The following GALNT18 variants were observed in gnomAD, a reference collection of about 807,000 sequenced individuals.
GALNT18 encodes the protein GalNAc-transferase 18.
Under a neutral mutation model 69.5 loss-of-function variants are expected in GALNT18, and 44 were observed. The ratio of observed to expected loss-of-function variants is 0.63; its 90% CI spans 0.50 to 0.81. The LOEUF is 0.81. Among genes scored for constraint, GALNT18 ranks in the 40% least tolerant of loss-of-function variants. The probability of loss-of-function intolerance (pLI) is 0.00; values close to 1 mark genes in which losing one functional copy is unlikely to be tolerated. For missense variants in GALNT18, 715 were observed against 810.0 expected, an observed-to-expected ratio of 0.88 and a Z score of 1.42; for synonymous variants, 364 against 318.2, an observed-to-expected ratio of 1.14 and a Z score of -1.53.
chr11:11,408,269 G>A (rs1010651748), intron 3 of GALNT18, among the ~76,000 whole-genome samples: 6 of 150,010 alleles, frequency 4.0e-5, no homozygotes, highest in Admixed American at 2.7e-4. Context: ...TTGGGAGGCT[G>A]AGGCCGGAAA....
rs894162367 is a variant in GALNT18 at position 11,465,996 on chromosome 11, C to A, written c.236-17060G>T. On this transcript the variant is annotated intron_variant, in intron 1 of 10. Coordinates refer to ENST00000227756, the MANE Select transcript of GALNT18 (RefSeq NM_198516.3). This position sits in a 1 kb window ranked among gnomAD's most constrained non-coding sequence, Gnocchi z 5.7. ...AACCACAGGAGGCATCCATCCAGACCAGTGCTTCTCAGCTCTTCTCAATCA... is the reference window on the plus strand; with the variant it reads ...AACCACAGGAGGCATCCATCCAGACAAGTGCTTCTCAGCTCTTCTCAATCA... Among the ~76,000 whole-genome samples the A allele has an allele frequency of 1.3e-5, 2 of 152,172 alleles. No homozygotes were observed. Among genetic ancestry groups the A allele is most frequent in the African/African-American group, 2.4e-5 (1 of 41,446 alleles).
At chr11:11,335,094 C>A (rs559712263) in intron 7 of GALNT18, among the ~76,000 whole-genome samples, 3 of 152,210 alleles carry the variant, frequency 2.0e-5, no homozygotes, top group African/African-American at 7.2e-5. Context: ...TTATAGGGAG[C>A]CAGTAGAAGA....
At position 11,605,383 on chromosome 11, in the gene GALNT18, G is replaced by A. The variant is rs1048425802; in HGVS notation, c.235+15976C>T. Among the ~76,000 whole-genome samples, 1 of 152,176 alleles carries A rather than the reference G, an allele frequency of 6.6e-6. No homozygotes were observed. The highest frequency in any genetic ancestry group is 2.4e-5 in the African/African-American group (1 of 41,438). On this transcript the variant is annotated intron_variant, in intron 1 of 10. Transcript: ENST00000227756. The surrounding 1 kb of genome is among the most constrained non-coding windows in gnomAD (Gnocchi z 4.7). ...CTCTCAGCTCCCTCTCCTCACTGCAGACCTTTCCCGACACCTGTCTCCTGA... is the reference window on the plus strand; with the variant it reads ...CTCTCAGCTCCCTCTCCTCACTGCAAACCTTTCCCGACACCTGTCTCCTGA...
chr11:11,392,083 T>C (rs1854207463), intron 3 of GALNT18, among the ~76,000 whole-genome samples: 1 of 152,264 alleles, frequency 6.6e-6, no homozygotes. Flanking sequence ...TTTGGTTTCC[T>C]CTGCCCTTTG....
At chr11:11,367,793 A>G (rs1850805353) in intron 6 of GALNT18, among the ~76,000 whole-genome samples, 1 of 152,246 alleles carries the variant, frequency 6.6e-6, no homozygotes, top group Admixed American at 6.5e-5. Context: ...TTTCAGTATC[A>G]GAAATTTAAC....
chr11:11,442,394 A>G (rs1354099039), intron 2 of GALNT18, among the ~76,000 whole-genome samples: 1 of 152,196 alleles, frequency 6.6e-6, no homozygotes, highest in African/African-American at 2.4e-5. Context: ...GTAACATTAC[A>G]TACTCATAGG....
At chr11:11,376,275 G>T (rs921143743) in intron 5 of GALNT18, among the ~76,000 whole-genome samples, 10 of 152,138 alleles carry the variant, frequency 6.6e-5, no homozygotes, top group African/African-American at 2.4e-4. Context: ...CCACCTACTT[G>T]GGAGGCTGAG....
In GALNT18 at chr11:11,432,189, C is replaced by T. The variant is rs1356348883; in HGVS notation, c.595+432G>A. Among the ~76,000 whole-genome samples the T allele has an allele frequency of 6.6e-6, 1 of 152,198 alleles. No homozygotes were observed. The highest frequency in any genetic ancestry group is 1.5e-5 in the Non-Finnish European group (1 of 68,040). ...CCATCATCACCACCACTACAACCTCCATCACCACCAGCACCATCATCACCA... is the reference window on the plus strand; with the variant it reads ...CCATCATCACCACCACTACAACCTCTATCACCACCAGCACCATCATCACCA... On this transcript the variant is annotated intron_variant, in intron 3 of 10. Transcript: ENST00000227756. The surrounding 1 kb of genome is among the most constrained non-coding windows in gnomAD (Gnocchi z 5.8).
rs527258658 is a variant in GALNT18 at position 11,356,718 on chromosome 11, C to T, written c.1093-15714G>A. ...GCATGTTATTAATCTCTCTTTTATA[C>T]AGCTCCCTCATTGAATGCAATTGAA... On this transcript the variant is annotated intron_variant, in intron 6 of 10. Transcript: ENST00000227756. The surrounding 1 kb of genome is among the most constrained non-coding windows in gnomAD (Gnocchi z 4.4). Among the ~76,000 whole-genome samples the T allele has an allele frequency of 3.3e-4, 51 of 152,284 alleles. No homozygotes were observed. Among genetic ancestry groups the T allele is most frequent in the Non-Finnish European group, 6.3e-4 (43 of 68,030 alleles).
chr11:11,595,088 T>C lies in GALNT18; in HGVS notation c.235+26271A>G, dbSNP rs967234449. On this transcript the variant is annotated intron_variant, in intron 1 of 10. Coordinates refer to ENST00000227756, the MANE Select transcript of GALNT18 (RefSeq NM_198516.3). The surrounding 1 kb of genome is among the most constrained non-coding windows in gnomAD (Gnocchi z 5.2). ...AAATTACCTGGTCACATAAACTTTA[T>C]GCTTAAAATTTTGAGGAACTCCCAA... is the stretch of plus-strand genomic sequence containing the variant. Among the ~76,000 whole-genome samples, 35 of 151,902 alleles carry C rather than the reference T, an allele frequency of 2.3e-4. No individual in the cohort carries two copies. The highest frequency in any genetic ancestry group is 8.2e-4 in the African/African-American group (34 of 41,390).
Position 11,620,469 on chromosome 11 carries a change from T to G in GALNT18, c.235+890A>C, listed in dbSNP as rs761039375. ...CCACCCTCCCTTTGGACCCCCGCGC[T>G]GGTCTGGAGCGCACCCAACCAGCGT... On this transcript the variant is annotated intron_variant, in intron 1 of 10. Transcript: ENST00000227756. The surrounding 1 kb of genome is among the most constrained non-coding windows in gnomAD (Gnocchi z 6.9). 1.2e-4 allele frequency among the ~76,000 whole-genome samples: 18 copies of G among 151,904 alleles called. No homozygotes were observed. The highest frequency in any genetic ancestry group is 2.2e-4 in the Non-Finnish European group (15 of 67,960).
intron 3 of GALNT18, among the ~76,000 whole-genome samples, chr11:11,431,482 A>G (rs1855262895): frequency 6.6e-6 from 1 of 152,180 alleles, no homozygotes; most frequent in Non-Finnish European, 1.5e-5. Flanking sequence ...GCCTATTTGC[A>G]TCCTCGATGC....
intron 1 of GALNT18, among the ~76,000 whole-genome samples, chr11:11,458,512 T>C (rs1855970842): frequency 6.6e-6 from 1 of 152,212 alleles, no homozygotes; most frequent in Admixed American, 6.5e-5. Context: ...CTTGTCGGCT[T>C]TCAGTAAACT....
intron 1 of GALNT18, among the ~76,000 whole-genome samples, chr11:11,556,613 C>A (rs1858338767): frequency 6.6e-6 from 1 of 152,226 alleles, no homozygotes; most frequent in Non-Finnish European, 1.5e-5. Context: ...CAGCTACAGA[C>A]CATGCAACTG....
intron 1 of GALNT18, among the ~76,000 whole-genome samples, chr11:11,609,798 C>T (rs188294315): frequency 3.7e-4 from 56 of 152,322 alleles, no homozygotes; most frequent in African/African-American, 1.3e-3. Context: ...ATACGTTTAA[C>T]TCCAAATATT....
Position 11,358,477 on chromosome 11 carries a change from T to G in GALNT18, c.1092+14038A>C, listed in dbSNP as rs1319713955. ...CTTTGTTGGACATTTAATAACTCAT[T>G]TATAAGAACTAGGAAAGACTAAGTC... is the stretch of plus-strand genomic sequence containing the variant. On this transcript the variant is annotated intron_variant, in intron 6 of 10. Coordinates refer to ENST00000227756, the MANE Select transcript of GALNT18 (RefSeq NM_198516.3). Among the ~76,000 whole-genome samples the G allele has an allele frequency of 2.9e-5, 4 of 140,316 alleles. 2 individuals are homozygous for G. The highest frequency in any genetic ancestry group is 6.4e-5 in the Non-Finnish European group (4 of 62,862). 92.1% of individuals were successfully genotyped at this position (140,316 alleles called of 152,430 possible).
intron 1 of GALNT18, among the ~76,000 whole-genome samples, chr11:11,566,814 C>T (rs888795535): frequency 2.0e-5 from 3 of 152,156 alleles, no homozygotes; most frequent in Admixed American, 6.5e-5. Flanking sequence ...CACTTTGAAC[C>T]CCTTCCATTC....
rs56989236 is a variant in GALNT18 at position 11,616,027 on chromosome 11, G to A, written c.235+5332C>T. On this transcript the variant is annotated intron_variant, in intron 1 of 10. Transcript: ENST00000227756. The surrounding 1 kb of genome is among the most constrained non-coding windows in gnomAD (Gnocchi z 4.4). ...TTCTTTTTTTCTTTGTAGAGATGGG[G>A]GTCTCACCATGTTGTCCAGGTTGGT... Among the ~76,000 whole-genome samples the A allele has an allele frequency of 0.027, 4,127 of 151,694 alleles. 179 individuals are homozygous for A. Among genetic ancestry groups the A allele is most frequent in the African/African-American group, 0.092 (3,813 of 41,290 alleles).
rs891629200 is a variant in GALNT18, at chr11:11,592,779, A to G, written c.235+28580T>C. 3.3e-5 allele frequency among the ~76,000 whole-genome samples: 5 copies of G among 152,312 alleles called. No individual in the cohort carries two copies. The highest frequency in any genetic ancestry group is 2.0e-4 in the Admixed American group (3 of 15,300). ...GGGCCCATACTGAAAATTTTTTGAC[A>G]TATCTTCAAAGTATAAAGAGAAGGC... On this transcript the variant is annotated intron_variant, in intron 1 of 10. Coordinates refer to ENST00000227756, the MANE Select transcript of GALNT18 (RefSeq NM_198516.3). The surrounding 1 kb of genome is among the most constrained non-coding windows in gnomAD (Gnocchi z 5.9).
Sources: gnomAD v4.1 joint callset for allele counts (sites outside exome capture counted in the v4.1 genomes callset) on GRCh38, gnomAD v4.1.1 for gene constraint, Gnocchi (gnomAD v3.1) non-coding constraint, MANE v1.5 for transcripts, NCBI Gene and HGNC (gene_info 2026-07-23, HGNC 2026-07-21) for gene names.